F5: variants seen among roughly 807,000 people sequenced by gnomAD.
The protein encoded by F5 is coagulation factor V, also known as activated protein c cofactor.
In F5, 138 loss-of-function variants were observed where a neutral mutation model predicts 216.4. The ratio of observed to expected loss-of-function variants is 0.64; its 90% confidence interval spans 0.56 to 0.73. The LOEUF (loss-of-function observed/expected upper bound fraction) is 0.73. F5 is among the 30% of genes least tolerant of loss of function. The pLI is 0.00. For missense variants in F5, 2,403 were observed against 2,674.0 expected, an observed-to-expected ratio of 0.90 and a Z score of 2.24; for synonymous variants, 916 against 930.7, an observed-to-expected ratio of 0.98 and a Z score of 0.29.
chr1:169,542,502 G>A lies in F5; in HGVS notation c.2588C>T (p.Ala863Val). The change falls in exon 13 of 25, where the codon GCT becomes GTT. Residue 863 changes from alanine to valine, a missense_variant. By Grantham distance (64) the Ala-to-Val change is moderately conservative (BLOSUM62 0). Transcript: ENST00000367797. ...TTCTACCTTGGGTCCCTTATGCTTAGCATGTTCTTGACTTTTGAATTCTCC... is the reference window on the plus strand; with the variant it reads ...TTCTACCTTGGGTCCCTTATGCTTAACATGTTCTTGACTTTTGAATTCTCC... ...GAGEFKSQEHAKHKGPKVERD... is the reference protein window; with the variant it reads ...GAGEFKSQEHVKHKGPKVERD... 1 of 1,614,072 alleles carries A rather than the reference G, an allele frequency of 6.2e-7. No homozygotes were observed. Among genetic ancestry groups the A allele is most frequent in the Non-Finnish European group, 8.5e-7 (1 of 1,179,974 alleles).
chr1:169,585,261 A>C (rs946448372), intron 1 of F5, among the ~76,000 whole-genome samples: 1 of 152,218 alleles, frequency 6.6e-6, no homozygotes, highest in Non-Finnish European at 1.5e-5. Context: ...AGTTACAATG[A>C]GAGTTTTAAA....
chr1:169,580,388 G>GTT (rs539235732), intron 2 of F5, among the ~76,000 whole-genome samples: 3 of 138,100 alleles, frequency 2.2e-5, no homozygotes, highest in Non-Finnish European at 1.5e-5. Flanking sequence ...TGTTGTTGTT[G>GTT]TTTTTTTTTT....
intron 10 of F5, 56 bp from the exon 11 acceptor site, chr1:169,546,648 A>G (rs545667160): frequency 2.7e-6 from 4 of 1,506,684 alleles, no homozygotes; most frequent in Admixed American, 3.3e-5. Context: ...GACCAATGGA[A>G]CAGAATAGAG....
At chr1:169,548,666 G>A (rs2420374) in intron 10 of F5, among the ~76,000 whole-genome samples, 15,955 of 151,996 alleles carry the variant, frequency 0.1, 2,302 homozygotes, top group East Asian at 0.64. Flanking sequence ...TCAGGAGTTC[G>A]AGACCAGCCT....
Position 169,541,316 on chromosome 1 carries a change from G to A in F5, c.3774C>T (p.Leu1258=), listed in dbSNP as rs1247397499. The change falls in exon 13 of 25, where the codon CTC becomes CTT. Residue 1258 remains leucine (L), a synonymous_variant. Coordinates refer to ENST00000367797, the MANE Select transcript of F5 (RefSeq NM_000130.5). Reference sequence around the variant, plus strand: ...GGTTTGTCTGACTGAGTTCTGGAGAGAGGTTTGTCTGGCTGAGGTCTAAAG... The same window carrying A: ...GGTTTGTCTGACTGAGTTCTGGAGAAAGGTTTGTCTGGCTGAGGTCTAAAG... The part of the protein sequence containing the change: ...TLSLDLSQTN[L]SPELSQTNLS... 4.4e-6 allele frequency: 7 copies of A among 1,574,188 alleles called. No homozygotes were observed. Among genetic ancestry groups the A allele is most frequent in the Non-Finnish European group, 6.1e-6 (7 of 1,155,058 alleles).
At chr1:169,554,518 A>T (rs1660265064) in intron 7 of F5, among the ~76,000 whole-genome samples, 1 of 152,248 alleles carries the variant, frequency 6.6e-6, no homozygotes, top group African/African-American at 2.4e-5. Flanking sequence ...AATATGTTGT[A>T]CATACATCAT....
chr1:169,586,304 G>A lies in F5; in HGVS notation c.83C>T (p.Ala28Val). 6.2e-7 allele frequency: 1 copy of A among 1,614,098 alleles called. No individual in the cohort carries two copies. The highest frequency in any genetic ancestry group is 8.5e-7 in the Non-Finnish European group (1 of 1,180,010). ...WVGWGSQGTE[A>V]AQLRQFYVAA... ...CACGTAGAACTGCCTTAGCTGTGCC[G>A]CTTCTGTCCCTTGGCTCCCCCAGCC... Residue 28 changes from alanine to valine, a missense_variant, in exon 1 of 25, where the codon GCG (alanine) becomes GTG (valine). Physicochemically the swap from Ala to Val is moderately conservative, Grantham distance 64. This residue lies in a region of F5 where 1,425 missense variants were observed against 1,554.8 expected (regional missense o/e 0.92). Coordinates refer to ENST00000367797, the MANE Select transcript of F5 (RefSeq NM_000130.5).
chr1:169,579,954 T>A (rs903922102), intron 2 of F5, among the ~76,000 whole-genome samples: 1 of 152,186 alleles, frequency 6.6e-6, no homozygotes, highest in African/African-American at 2.4e-5. Context: ...CTGATCCCCA[T>A]CTAGTTGCAT....
intron 1 of F5, among the ~76,000 whole-genome samples, chr1:169,584,707 A>G (rs1661064676): frequency 6.6e-6 from 1 of 152,198 alleles, no homozygotes; most frequent in Non-Finnish European, 1.5e-5. Flanking sequence ...AAGCAGCCAG[A>G]TATATGGATT....
chr1:169,520,515 C>T lies in F5; in HGVS notation c.6193+5G>A. ...GTGAGAAAATAATGCATCTTTGTAC[C>T]TTACCATTTACCTCACAACCTTGCA... is the stretch of plus-strand genomic sequence containing the variant. On this transcript the variant is annotated splice_donor_5th_base_variant and intron_variant, in intron 22 of 24. Transcript: ENST00000367797. The T allele has an allele frequency of 6.2e-7, 1 of 1,613,862 alleles. No individual in the cohort carries two copies. Among genetic ancestry groups the T allele is most frequent in the Non-Finnish European group, 8.5e-7 (1 of 1,179,868 alleles).
chr1:169,514,431 C>G lies in F5; in HGVS notation c.6557G>C (p.Gly2186Ala). 6.2e-7 allele frequency: 1 copy of G among 1,613,086 alleles called. No individual in the cohort carries two copies. Among genetic ancestry groups the G allele is most frequent in the Non-Finnish European group, 8.5e-7 (1 of 1,179,460 alleles). ...KIFEGNTNTK[G>A]HVKNFFNPPI... ...GGGGTTGAAAAAGTTCTTCACATGTCCTTTGGTATTAGTATTTCCTTCAAA... is the reference window on the plus strand; with the variant it reads ...GGGGTTGAAAAAGTTCTTCACATGTGCTTTGGTATTAGTATTTCCTTCAAA... Residue 2186 changes from glycine to alanine, a missense_variant, in exon 25 of 25, where the codon GGA (glycine) becomes GCA (alanine). Around this residue, in one of 4 missense-constraint regions of F5, gnomAD observed 659 missense variants for 787.9 expected, o/e 0.84. Transcript: ENST00000367797.
chr1:169,523,409 C>T, intron 20 of F5, 57 bp from the exon 21 acceptor site: 1 of 1,593,050 alleles, frequency 6.3e-7, no homozygotes, highest in Non-Finnish European at 8.6e-7. Context: ...TCACACACTG[C>T]CTAAATTCAT....
chr1:169,559,501 C>T (rs1403334367), intron 4 of F5, among the ~76,000 whole-genome samples: 1 of 152,116 alleles, frequency 6.6e-6, no homozygotes, highest in Non-Finnish European at 1.5e-5. Context: ...TTCTTTGATA[C>T]CTTCTTGCTT....
intron 20 of F5, 71 bp downstream of exon 20, chr1:169,523,730 A>G (rs1659364041): frequency 1.5e-6 from 2 of 1,308,064 alleles, no homozygotes; most frequent in Non-Finnish European, 1.1e-6. Flanking sequence ...AACAATAACA[A>G]GGAATTACTA....
In F5 at chr1:169,541,815, C is replaced by A. The variant is rs1659859350; in HGVS notation, c.3275G>T (p.Gly1092Val). The A allele has an allele frequency of 6.2e-7, 1 of 1,614,010 alleles. No individual in the cohort carries two copies. Among genetic ancestry groups the A allele is most frequent in the Non-Finnish European group, 8.5e-7 (1 of 1,179,972 alleles). ...ATGGTCAGGAAGTGAGGCTATCCAG[C>A]CAAAATCCATAGAGGGCAATGTCTG... ...LNQTLPSMDF[G>V]WIASLPDHNQ... The change falls in exon 13 of 25, where the codon GGC (glycine) becomes GTC (valine). Residue 1092 changes from glycine to valine, a missense_variant. Around this residue, in one of 4 missense-constraint regions of F5, gnomAD observed 1,425 missense variants for 1,554.8 expected, o/e 0.92. Coordinates refer to ENST00000367797, the MANE Select transcript of F5 (RefSeq NM_000130.5).
At chr1:169,555,159 T>C in intron 7 of F5, 23 bp downstream of exon 7, 5 of 1,613,898 alleles carry the variant, frequency 3.1e-6, no homozygotes, top group Non-Finnish European at 4.2e-6. Context: ...CTTTGCCCAG[T>C]GGTATGAACC....
intron 7 of F5, among the ~76,000 whole-genome samples, chr1:169,553,432 G>A (rs1467738812): frequency 2.6e-5 from 4 of 152,206 alleles, no homozygotes; most frequent in Non-Finnish European, 5.9e-5. Context: ...AATGAGGCCG[G>A]GCGCGGTGGC....
intron 2 of F5, among the ~76,000 whole-genome samples, chr1:169,577,515 A>G (rs897171362): frequency 7.2e-6 from 1 of 138,378 alleles, no homozygotes; most frequent in Non-Finnish European, 1.5e-5. Flanking sequence ...TAGCCTCCCC[A>G]GTAGCTGAAA....
chr1:169,577,599 ATATATG>A (rs1224547469), intron 2 of F5, among the ~76,000 whole-genome samples: 154 of 99,406 alleles, frequency 1.5e-3, no homozygotes, highest in Non-Finnish European at 2.3e-3. Context: ...ATATATATAT[ATATATG>A]TATGTATTTT....
Sources: allele counts gnomAD v4.1 joint callset (sites outside exome capture counted in the v4.1 genomes callset), GRCh38; gene constraint gnomAD v4.1.1; regional missense constraint gnomAD v4.1.1; transcripts MANE v1.5; gene names NCBI Gene and HGNC (gene_info 2026-07-23, HGNC 2026-07-21).